Variants in GMDS observed in about 807,000 individuals in gnomAD.
The protein encoded by GMDS is GDP-mannose 4,6 dehydratase.
GMDS carries 20 observed loss-of-function variants against 49.9 expected under a neutral mutation model. The ratio of observed to expected loss-of-function variants is 0.40; its 90% CI spans 0.28 to 0.58. The LOEUF (loss-of-function observed/expected upper bound fraction) is 0.58. GMDS is among the 20% of genes least tolerant of loss of function. The pLI is 0.42. For synonymous variants in GMDS, 177 were observed against 178.6 expected (o/e 0.99, Z 0.07); for missense variants, 362 against 481.4 (o/e 0.75, Z 2.32).
intron 9 of GMDS, among the ~76,000 whole-genome samples, chr6:1,707,319 T>A (rs1212621552): frequency 6.6e-6 from 1 of 152,236 alleles, no homozygotes; most frequent in South Asian, 2.1e-4. Flanking sequence ...TTCTGATTTT[T>A]AAAAATATCT....
chr6:2,026,484 C>A (rs899462842), intron 4 of GMDS, among the ~76,000 whole-genome samples: 3 of 152,206 alleles, frequency 2.0e-5, no homozygotes, highest in Non-Finnish European at 4.4e-5. Flanking sequence ...ACGCACACAT[C>A]GTTTCTCTTA....
At chr6:1,729,063 G>T (rs530394752) in intron 8 of GMDS, among the ~76,000 whole-genome samples, 1 of 152,080 alleles carries the variant, frequency 6.6e-6, no homozygotes, top group Non-Finnish European at 1.5e-5. Flanking sequence ...TAATGGTATC[G>T]CCTCACCCTC....
chr6:2,169,490 C>T (rs2007482), intron 1 of GMDS, among the ~76,000 whole-genome samples: 47,819 of 151,640 alleles, frequency 0.32, 8,980 homozygotes, highest in East Asian at 0.5. Context: ...CACCTGTAAT[C>T]CCAGCTACTC....
In GMDS at chr6:1,960,775, A is replaced by G; in HGVS notation, c.537T>C (p.Tyr179=). 1 of 1,590,466 alleles carries G rather than the reference A, an allele frequency of 6.3e-7. No homozygotes were observed. The highest frequency in any genetic ancestry group is 8.6e-7 in the Non-Finnish European group (1 of 1,162,126). ...TCCGGTGTGCACGCATGTTCTCACC[A>G]TAGGGTGACCGGGGATAGAAAGGGG... ...ETTPFYPRSP[Y]GAAKLYAYWI... The change falls in exon 5 of 11, where the codon TAT becomes TAC. Residue 179 remains tyrosine (Y), a splice_region_variant and synonymous_variant. Coordinates refer to ENST00000380815, the MANE Select transcript of GMDS (RefSeq NM_001500.4).
intron 1 of GMDS, among the ~76,000 whole-genome samples, chr6:2,154,862 GCAAAAAAA>G (rs1247795056): frequency 8.9e-5 from 3 of 33,830 alleles, no homozygotes; most frequent in African/African-American, 2.3e-4. Flanking sequence ...TTGAAGAGAT[GCAAAAAAA>G]AAAAAAAAAA....
intron 9 of GMDS, among the ~76,000 whole-genome samples, chr6:1,691,151 C>T (rs1360446518): frequency 6.6e-6 from 1 of 152,144 alleles, no homozygotes; most frequent in Non-Finnish European, 1.5e-5. Context: ...AAATGTAGTA[C>T]ATATATACCA....
chr6:2,092,135 C>A (rs889542572), intron 4 of GMDS, among the ~76,000 whole-genome samples: 1 of 152,094 alleles, frequency 6.6e-6, no homozygotes, highest in Non-Finnish European at 1.5e-5. Flanking sequence ...TGGAGAGAGA[C>A]TTTCAACTAG....
At chr6:1,925,733 GGGA>G (rs1340039440) in intron 7 of GMDS, among the ~76,000 whole-genome samples, 2 of 152,164 alleles carry the variant, frequency 1.3e-5, no homozygotes, top group Non-Finnish European at 1.5e-5. Flanking sequence ...GGGAAGTGCC[GGGA>G]GGAGAAGGGC....
rs540438639 is a variant in GMDS at position 2,231,096 on chromosome 6, G to T, written c.102+14225C>A. ...ACCACCCAGAAGGTCCCCAAAACTT[G>T]ATTTCAGTTTCAAGTTCCCAAGTTA... On this transcript the variant is annotated intron_variant, in intron 1 of 10. Coordinates refer to ENST00000380815, the MANE Select transcript of GMDS (RefSeq NM_001500.4). Among the ~76,000 whole-genome samples, 4 of 151,974 alleles carry T rather than the reference G, an allele frequency of 2.6e-5. No individual in the cohort carries two copies. In the East Asian group the frequency reaches 7.7e-4, roughly 29 times the overall value.
At chr6:1,781,613 A>G (rs1166466784) in intron 7 of GMDS, among the ~76,000 whole-genome samples, 1 of 130,520 alleles carries the variant, frequency 7.7e-6, no homozygotes, top group African/African-American at 3.1e-5. Context: ...CTCAAATCAA[A>G]TGTGGTGATG....
intron 4 of GMDS, among the ~76,000 whole-genome samples, chr6:2,060,601 G>A (rs1425160437): frequency 6.6e-6 from 1 of 152,130 alleles, no homozygotes; most frequent in African/African-American, 2.4e-5. Context: ...ATAAACAACA[G>A]ATAAGTGAAA....
At chr6:1,862,034 T>A (rs1758213043) in intron 7 of GMDS, among the ~76,000 whole-genome samples, 1 of 152,224 alleles carries the variant, frequency 6.6e-6, no homozygotes, top group South Asian at 2.1e-4. Context: ...GAACATTCAC[T>A]TCAACCACTT....
intron 7 of GMDS, among the ~76,000 whole-genome samples, chr6:1,856,394 A>G (rs2113776497): frequency 6.6e-6 from 1 of 152,310 alleles, no homozygotes; most frequent in Admixed American, 6.5e-5. Flanking sequence ...TTACTTCCAT[A>G]AATCAGAAAA....
chr6:2,233,388 CT>C (rs1418053454), intron 1 of GMDS, among the ~76,000 whole-genome samples: 1 of 150,828 alleles, frequency 6.6e-6, no homozygotes, highest in Non-Finnish European at 1.5e-5. Flanking sequence ...CCTTAGAAAA[CT>C]TTTTCAGTGA....
chr6:1,936,705 G>A (rs1294798289), intron 6 of GMDS, among the ~76,000 whole-genome samples: 1 of 152,118 alleles, frequency 6.6e-6, no homozygotes, highest in Admixed American at 6.5e-5. Flanking sequence ...AGTGGCTCAC[G>A]CCTGTAATCC....
intron 8 of GMDS, among the ~76,000 whole-genome samples, chr6:1,729,270 C>A (rs1343401952): frequency 6.6e-6 from 1 of 152,190 alleles, no homozygotes. Context: ...TTAAATACAG[C>A]CTGAAAGTCA....
At chr6:2,231,411 A>G (rs1277203534) in intron 1 of GMDS, among the ~76,000 whole-genome samples, 1 of 151,980 alleles carries the variant, frequency 6.6e-6, no homozygotes, top group Non-Finnish European at 1.5e-5. Flanking sequence ...GAAAAATACA[A>G]AAAGTAGCCA....
intron 7 of GMDS, among the ~76,000 whole-genome samples, chr6:1,872,481 G>C (rs1758814444): frequency 6.6e-6 from 1 of 152,170 alleles, no homozygotes; most frequent in Non-Finnish European, 1.5e-5. Context: ...CGCTCTGTCA[G>C]AACTAACTCT....
chr6:1,969,112 A>T (rs1184189805), intron 4 of GMDS, among the ~76,000 whole-genome samples: 1 of 151,710 alleles, frequency 6.6e-6, no homozygotes, highest in African/African-American at 2.4e-5. Flanking sequence ...ATACAAAAAA[A>T]TTAGCTGGGC....
Sources: allele counts gnomAD v4.1 joint callset (sites outside exome capture counted in the v4.1 genomes callset), GRCh38; gene constraint gnomAD v4.1.1; transcripts MANE v1.5; gene names NCBI Gene and HGNC (gene_info 2026-07-23, HGNC 2026-07-21).